The following PYY variants were observed in gnomAD, a reference collection of about 807,000 sequenced individuals.
PYY encodes the protein peptide YY, also known as peptide tyrosine tyrosine.
PYY carries 12 observed loss-of-function variants against 10.3 expected under a neutral mutation model. The ratio of observed to expected loss-of-function variants is 1.17; its 90% CI spans 0.75 to 1.89. The LOEUF (loss-of-function observed/expected upper bound fraction) is 1.89. Among genes scored for constraint, PYY ranks in the 40% most tolerant of loss-of-function variants. The pLI is 0.00. For synonymous variants in PYY, 66 were observed against 62.0 expected (o/e 1.06, Z -0.30); for missense variants, 141 against 134.0 (o/e 1.05, Z -0.26).
intron 2 of PYY, among the ~76,000 whole-genome samples, chr17:43,963,628 G>A (rs1344307805): frequency 1.6e-5 from 2 of 126,192 alleles, no homozygotes; most frequent in Non-Finnish European, 3.6e-5. Context: ...GAAAGAAAGA[G>A]AAAGAAAGAA....
intron 1 of PYY, among the ~76,000 whole-genome samples, chr17:43,988,115 G>A (rs1351919124): frequency 6.6e-6 from 1 of 151,958 alleles, no homozygotes; most frequent in Non-Finnish European, 1.5e-5. Context: ...GAGCCCCAGA[G>A]CCACCAAGTC....
intron 1 of PYY, among the ~76,000 whole-genome samples, chr17:44,003,324 C>T (rs1461079524): frequency 2.0e-5 from 3 of 152,122 alleles, no homozygotes; most frequent in Admixed American, 1.3e-4. Flanking sequence ...TGATACTGGC[C>T]TAGTTACAGA....
intron 1 of PYY, among the ~76,000 whole-genome samples, chr17:43,977,509 A>G (rs1433298848): frequency 6.6e-6 from 1 of 152,020 alleles, no homozygotes; most frequent in Non-Finnish European, 1.5e-5. Context: ...GTGTTCCGGC[A>G]CCTGCCCGCC....
At chr17:43,964,355 GC>G (rs2048739981) in intron 2 of PYY, among the ~76,000 whole-genome samples, 1 of 152,146 alleles carries the variant, frequency 6.6e-6, no homozygotes, top group Non-Finnish European at 1.5e-5. Context: ...ATGCCCATAA[GC>G]TTTTCCTGAG....
chr17:43,990,453 A>AAAAG (rs1463590313), intron 1 of PYY, among the ~76,000 whole-genome samples: 6 of 150,424 alleles, frequency 4.0e-5, no homozygotes, highest in African/African-American at 7.4e-5. Context: ...AAAAAAAAAA[A>AAAAG]AAAGAAAGAA....
rs2048922474 is a variant in PYY at position 43,987,380 on chromosome 17, TC to T, written c.-463+17010del. On this transcript the variant is annotated intron_variant, in intron 1 of 6. Coordinates refer to the PYY transcript ENST00000360085. This position sits in a 1 kb window ranked among gnomAD's most constrained non-coding sequence, Gnocchi z 4.0. ...AGCCCTGTCTCCCCAGCCCTATTCC[TC>T]TGGGCCCAGCCCATCGCCTCTACCC... 6.6e-6 allele frequency among the ~76,000 whole-genome samples: 1 copy of T among 152,172 alleles called. No individual in the cohort carries two copies. Among genetic ancestry groups the T allele is most frequent in the Non-Finnish European group, 1.5e-5 (1 of 68,032 alleles).
chr17:43,953,413 GC>G lies in PYY; in HGVS notation c.70del (p.Ala24ArgfsTer22). On this transcript the variant is annotated frameshift_variant, in exon 2 of 4. Coordinates refer to ENST00000692052, the MANE Select transcript of PYY (RefSeq NM_001394028.1). LOFTEE classifies it high-confidence loss of function. ...VLLALLVCLG[A>X]LVDAYPIKPE... ...TTTGATGGGGTAGGCGTCGACCAGC[GC>G]CCCTAGGCAGACGAGCAGGGCCAGA... is the stretch of plus-strand genomic sequence containing the variant. 2 of 1,612,882 alleles carry G rather than the reference GC, an allele frequency of 1.2e-6. No homozygotes were observed. The highest frequency in any genetic ancestry group is 8.5e-7 in the Non-Finnish European group (1 of 1,179,552).
chr17:43,977,942 G>A (rs2048859363), intron 1 of PYY, among the ~76,000 whole-genome samples: 1 of 152,276 alleles, frequency 6.6e-6, no homozygotes, highest in South Asian at 2.1e-4. Context: ...GCTCACACCT[G>A]TAATCCCAGC....
intron 1 of PYY, among the ~76,000 whole-genome samples, chr17:43,999,674 A>G (rs933837729): frequency 3.9e-5 from 6 of 152,066 alleles, no homozygotes; most frequent in African/African-American, 1.4e-4. Context: ...AGGATGAGGC[A>G]GAAGAATTGC....
At position 44,002,551 on chromosome 17, in the gene PYY, T is replaced by C. The variant is rs137904357; in HGVS notation, c.-463+1840A>G. Among the ~76,000 whole-genome samples the C allele has an allele frequency of 2.4e-3, 366 of 152,322 alleles. 1 individual carries two copies. Among genetic ancestry groups the C allele is most frequent in the South Asian group, 7.7e-3 (37 of 4,824 alleles). On this transcript the variant is annotated intron_variant, in intron 1 of 6. Coordinates refer to the PYY transcript ENST00000360085. Reference sequence around the variant, plus strand: ...TCAGAGTGTACCCAAGGGCAGGATGTGTGCAGCTGACAGTGCCCAGCACAT... The same window carrying C: ...TCAGAGTGTACCCAAGGGCAGGATGCGTGCAGCTGACAGTGCCCAGCACAT...
chr17:43,988,561 C>T (rs774554335), intron 1 of PYY, among the ~76,000 whole-genome samples: 47 of 152,138 alleles, frequency 3.1e-4, no homozygotes, highest in Non-Finnish European at 5.4e-4. Flanking sequence ...TCTCTCAGAG[C>T]GGAGTTGAAA....
chr17:43,993,768 G>A (rs2048972979), intron 1 of PYY, among the ~76,000 whole-genome samples: 2 of 152,132 alleles, frequency 1.3e-5, no homozygotes, highest in Admixed American at 1.3e-4. Flanking sequence ...CTGTATTTGT[G>A]GGCCAGGTAG....
chr17:43,952,991 G>T lies in PYY; in HGVS notation c.270-11C>A, dbSNP rs1189223344. On this transcript the variant is annotated splice_polypyrimidine_tract_variant and intron_variant, in intron 3 of 3. Coordinates refer to ENST00000692052, the MANE Select transcript of PYY (RefSeq NM_001394028.1). The stretch of plus-strand genomic sequence containing the variant: ...TCTGGGCCCTCCGACCTGCGGAAGC[G>T]AAGGGGAAGGAATTGGATCTGGGGA... 2 of 1,569,194 alleles carry T rather than the reference G, an allele frequency of 1.3e-6. No homozygotes were observed. Among genetic ancestry groups the T allele is most frequent in the African/African-American group, 1.4e-5 (1 of 73,460 alleles).
intron 2 of PYY, among the ~76,000 whole-genome samples, chr17:43,963,184 G>T (rs1362992753): frequency 6.6e-6 from 1 of 152,150 alleles, no homozygotes; most frequent in African/African-American, 2.4e-5. Flanking sequence ...AAAGTATTAA[G>T]CTCAAATCCC....
chr17:43,953,419 A>G lies in PYY; in HGVS notation c.65T>C (p.Leu22Pro). The G allele has an allele frequency of 6.2e-7, 1 of 1,612,958 alleles. No individual in the cohort carries two copies. The highest frequency in any genetic ancestry group is 8.5e-7 in the Non-Finnish European group (1 of 1,179,598). Residue 22 changes from leucine (L) to proline (P), a missense_variant, in exon 2 of 4, where the codon CTA becomes CCA. Transcript: ENST00000692052. ...TTVLLALLVC[L>P]GALVDAYPIK... The stretch of plus-strand genomic sequence containing the variant: ...GGGGTAGGCGTCGACCAGCGCCCCT[A>G]GGCAGACGAGCAGGGCCAGAAGCAC...
At chr17:43,995,116 C>G (rs538448729) in intron 1 of PYY, among the ~76,000 whole-genome samples, 2 of 152,156 alleles carry the variant, frequency 1.3e-5, no homozygotes, top group Admixed American at 6.5e-5. Context: ...ACCTGGGGCG[C>G]AAAGTGGAAT....
At chr17:43,976,146 TATAC>T (rs1350966434) in intron 1 of PYY, among the ~76,000 whole-genome samples, 1 of 126,716 alleles carries the variant, frequency 7.9e-6, no homozygotes, top group African/African-American at 2.9e-5. Context: ...TATATGTATA[TATAC>T]ATATGTATAC....
At chr17:43,986,798 C>T (rs778940567) in intron 1 of PYY, among the ~76,000 whole-genome samples, 5 of 152,198 alleles carry the variant, frequency 3.3e-5, no homozygotes, top group African/African-American at 7.2e-5. Context: ...CCTGCTGACA[C>T]GTGGATTCTC....
chr17:43,993,459 C>CAAA (rs752399900), intron 1 of PYY, among the ~76,000 whole-genome samples: 1 of 102,666 alleles, frequency 9.7e-6, no homozygotes, highest in Non-Finnish European at 2.1e-5. Flanking sequence ...ACTCCATCTC[C>CAAA]AAAAAAAAAA....
Sources: gnomAD v4.1 joint callset for allele counts (sites outside exome capture counted in the v4.1 genomes callset) on GRCh38, gnomAD v4.1.1 for gene constraint, Gnocchi (gnomAD v3.1) non-coding constraint, MANE v1.5 for transcripts, NCBI Gene and HGNC (gene_info 2026-07-23, HGNC 2026-07-21) for gene names.